The following CDK13 variants were observed in gnomAD, a reference collection of about 807,000 sequenced individuals.
The protein encoded by CDK13 is cyclin-dependent kinase 13.
In CDK13, 40 loss-of-function variants were observed where a neutral mutation model predicts 137.6. The ratio of observed to expected loss-of-function variants is 0.29; its 90% CI spans 0.23 to 0.38. CDK13 has a LOEUF of 0.38. Among genes scored for constraint, CDK13 ranks in the 10% least tolerant of loss-of-function variants. CDK13 has a pLI of 1.00. For synonymous variants in CDK13, 869 were observed against 760.1 expected, an observed-to-expected ratio of 1.14 and a Z score of -2.36; for missense variants, 1,704 against 1,951.8, an observed-to-expected ratio of 0.87 and a Z score of 2.39.
At chr7:39,964,605 G>C (rs1783826296) in intron 1 of CDK13, among the ~76,000 whole-genome samples, 1 of 150,062 alleles carries the variant, frequency 6.7e-6, no homozygotes, top group East Asian at 2.0e-4. Context: ...TTTTTTGAAG[G>C]GATTTTTGTG....
chr7:40,097,457 CATTTA>C lies in CDK13; in HGVS notation c.*2480_*2484del, dbSNP rs1192566279. 6.6e-6 allele frequency: 1 copy of C among 152,002 alleles called. No individual in the cohort carries two copies. Among genetic ancestry groups the C allele is most frequent in the Admixed American group, 6.6e-5 (1 of 15,256 alleles). The allele number at this position is 152,002 out of a possible 1,614,324, so 9.4% of individuals were successfully genotyped here. On this transcript the variant is annotated 3_prime_UTR_variant, in exon 14 of 14. Transcript: ENST00000181839. ...AAAATTTTAATGCTTCCCTTCATAG[CATTTA>C]ATATTTTAATTCAGTGAATTTGGAT...
chr7:39,993,911 C>CT (rs1231509878), intron 2 of CDK13, among the ~76,000 whole-genome samples: 4 of 151,976 alleles, frequency 2.6e-5, no homozygotes, highest in Non-Finnish European at 4.4e-5. Flanking sequence ...ATGAAATTGC[C>CT]TTAACAGTTT....
rs1286784332 is a variant in CDK13, at chr7:40,055,104, AAC to A, written c.2600+7229_2600+7230del. On this transcript the variant is annotated intron_variant, in intron 7 of 13. Transcript: ENST00000181839. ...AAAGTTTAGTTTCTTGCCATCCAATAACAACTTATTGAAGTTACTAAATTTTG... is the reference window on the plus strand; with the variant it reads ...AAAGTTTAGTTTCTTGCCATCCAATAAACTTATTGAAGTTACTAAATTTTG... 6.6e-5 allele frequency among the ~76,000 whole-genome samples: 10 copies of A among 152,090 alleles called. 1 individual carries two copies. The East Asian group carries it at 1.9e-3, about 29-fold the overall frequency.
chr7:39,951,773 CGGGGCGGCGACG>C lies in CDK13; in HGVS notation c.1133_1144del (p.Arg378_Val382delinsLeu). On this transcript the variant is annotated inframe_deletion, in exon 1 of 14. Coordinates refer to ENST00000181839, the MANE Select transcript of CDK13 (RefSeq NM_003718.5). ...CTACAGCCGCCACAGCTCCTACGAG[CGGGGCGGCGACG>C]TGTCCCCTAGTCCCTACAGCAGCAG... 6.8e-7 allele frequency: 1 copy of C among 1,478,518 alleles called. No homozygotes were observed. Among genetic ancestry groups the C allele is most frequent in the East Asian group, 2.5e-5 (1 of 39,420 alleles). 91.6% of individuals were successfully genotyped at this position (1,478,518 alleles called of 1,614,324 possible). A position where few individuals can be genotyped will look rare whatever the true frequency, so the allele number is the denominator to read the frequency against.
In CDK13 at chr7:39,997,552, T is replaced by C. The variant is rs1039426248; in HGVS notation, c.1930T>C (p.Cys644Arg). Residue 644 changes from cysteine to arginine, a missense_variant, in exon 3 of 14, where the codon TGT becomes CGT. Coordinates refer to ENST00000181839, the MANE Select transcript of CDK13 (RefSeq NM_003718.5). ...VKKEVEKKLR[C>R]LLADLPLPPE... ...AAAAGAAGTAGAAAAGAAACTCCGA[T>C]GTCTTCTTGCTGATTTACCGCTGCC... 2.5e-6 allele frequency: 4 copies of C among 1,604,348 alleles called. No homozygotes were observed. Among genetic ancestry groups the C allele is most frequent in the East Asian group, 2.2e-5 (1 of 44,780 alleles).
At chr7:40,081,873 A>G (rs1357392645) in intron 11 of CDK13, among the ~76,000 whole-genome samples, 2 of 152,160 alleles carry the variant, frequency 1.3e-5, no homozygotes, top group African/African-American at 4.8e-5. Context: ...TGGCCTCCCA[A>G]AGTGCTGGGA....
intron 1 of CDK13, among the ~76,000 whole-genome samples, chr7:39,976,125 C>G (rs1209796625): frequency 1.3e-5 from 2 of 152,006 alleles, no homozygotes; most frequent in African/African-American, 2.4e-5. Flanking sequence ...GAAACCCCGT[C>G]TCTACTAAAA....
At chr7:40,002,536 TTAAAG>T (rs1299842067) in intron 5 of CDK13, among the ~76,000 whole-genome samples, 1 of 152,186 alleles carries the variant, frequency 6.6e-6, no homozygotes, top group African/African-American at 2.4e-5. Context: ...AGCCTGCTTA[TTAAAG>T]TAGTTATTAT....
chr7:39,961,596 A>G (rs1023554268), intron 1 of CDK13, among the ~76,000 whole-genome samples: 2 of 151,108 alleles, frequency 1.3e-5, no homozygotes, highest in Non-Finnish European at 2.9e-5. Context: ...GAGATCATGC[A>G]GTATTTATCT....
chr7:39,992,093 A>G (rs879944463), intron 2 of CDK13, among the ~76,000 whole-genome samples: 16,833 of 145,976 alleles, frequency 0.12, 3,129 homozygotes, highest in African/African-American at 0.4. Context: ...ACACACACAC[A>G]CACACACACA....
intron 11 of CDK13, among the ~76,000 whole-genome samples, chr7:40,087,834 CAGCATAGTAGCCT>C (rs1282884371): frequency 6.6e-6 from 1 of 152,096 alleles, no homozygotes; most frequent in African/African-American, 2.4e-5. Context: ...CAGGCATGCC[CAGCATAGTAGCCT>C]ATTTTTATGA....
intron 5 of CDK13, among the ~76,000 whole-genome samples, chr7:40,034,280 C>G (rs1785438337): frequency 6.6e-6 from 1 of 152,154 alleles, no homozygotes. Context: ...CCTGAACCTG[C>G]CTGCCTCTCT....
At chr7:39,984,511 A>G (rs974866397) in intron 1 of CDK13, 6 of 152,062 alleles carry the variant, frequency 3.9e-5, no homozygotes, top group African/African-American at 9.7e-5. Context: ...TAGTAGATGT[A>G]TATATTTATG....
At chr7:40,058,193 G>A (rs957726369) in intron 7 of CDK13, among the ~76,000 whole-genome samples, 4 of 152,082 alleles carry the variant, frequency 2.6e-5, no homozygotes, top group African/African-American at 4.8e-5. Flanking sequence ...AACTCAGTAC[G>A]GCCTGAGAAC....
chr7:39,983,408 A>G (rs934503022), intron 1 of CDK13, among the ~76,000 whole-genome samples: 1 of 152,174 alleles, frequency 6.6e-6, no homozygotes, highest in African/African-American at 2.4e-5. Flanking sequence ...GGCGTGAGCA[A>G]CTGCGCCCGG....
intron 5 of CDK13, among the ~76,000 whole-genome samples, chr7:40,011,569 T>C (rs1784894929): frequency 6.6e-6 from 1 of 152,186 alleles, no homozygotes; most frequent in Non-Finnish European, 1.5e-5. Context: ...GGTGCTGGGA[T>C]AACTGGATAT....
intron 1 of CDK13, among the ~76,000 whole-genome samples, chr7:39,983,416 C>T (rs534914850): frequency 9.9e-5 from 15 of 152,248 alleles, no homozygotes; most frequent in African/African-American, 2.2e-4. Context: ...CAACTGCGCC[C>T]GGCCCCAAAA....
intron 5 of CDK13, among the ~76,000 whole-genome samples, chr7:40,017,065 T>A (rs1377031395): frequency 6.6e-6 from 1 of 152,130 alleles, no homozygotes; most frequent in Non-Finnish European, 1.5e-5. Context: ...ATGAATTTTT[T>A]CAAAATTGAG....
rs985106688 is a variant in CDK13, at chr7:40,093,322, C to G, written c.3688+85C>G. On this transcript the variant is annotated intron_variant, in intron 13 of 13. Transcript: ENST00000181839. ...CTGACTATATATAATGTGTATAGTT[C>G]AGTGACATTGCCAAAAGATGTCCTG... 5.4e-6 allele frequency: 6 copies of G among 1,116,480 alleles called. No homozygotes were observed. In the Admixed American group the frequency reaches 1.1e-4, roughly 20 times the overall value. 69.2% of individuals were successfully genotyped at this position (1,116,480 alleles called of 1,614,324 possible).
Sources: allele counts gnomAD v4.1 joint callset (sites outside exome capture counted in the v4.1 genomes callset), GRCh38; gene constraint gnomAD v4.1.1; transcripts MANE v1.5; gene names NCBI Gene and HGNC (gene_info 2026-07-23, HGNC 2026-07-21).